The following SAMD5 variants were observed in gnomAD, a reference collection of about 807,000 sequenced individuals.
SAMD5 encodes sterile alpha motif domain containing 5.
In SAMD5, 13 loss-of-function variants were observed where a neutral mutation model predicts 11.3. The ratio of observed to expected loss-of-function variants is 1.15; its 90% confidence interval spans 0.75 to 1.83. SAMD5 has a LOEUF of 1.83. Among genes scored for constraint, SAMD5 ranks in the 40% most tolerant of loss-of-function variants. SAMD5 has a pLI of 0.00. For synonymous variants in SAMD5, 129 were observed against 111.3 expected (o/e 1.16, Z -1.00); for missense variants, 255 against 239.1 (o/e 1.07, Z -0.44).
chr6:147,773,843 G>C, the SAMD5 span, among the ~76,000 whole-genome samples: 32 of 152,002 alleles, frequency 2.1e-4, no homozygotes, highest in African/African-American at 7.0e-4. Context: ...AAGCCCTCTG[G>C]GGTCTTTTTG....
intron 1 of SAMD5, among the ~76,000 whole-genome samples, chr6:147,615,008 C>A (rs1789844563): frequency 6.6e-6 from 1 of 151,800 alleles, no homozygotes; most frequent in African/African-American, 2.4e-5. Flanking sequence ...CAAACAATAT[C>A]ATATGACAAC....
the SAMD5 span, among the ~76,000 whole-genome samples, chr6:147,762,669 T>A: frequency 2.0e-5 from 3 of 152,192 alleles, no homozygotes; most frequent in Non-Finnish European, 4.4e-5. Flanking sequence ...ATACATGATA[T>A]CCCTGAGCCT....
the SAMD5 span, among the ~76,000 whole-genome samples, chr6:147,860,693 T>G: frequency 5.3e-5 from 8 of 152,272 alleles, no homozygotes; most frequent in African/African-American, 1.7e-4. Context: ...TACGAGAAGC[T>G]TGACCTAATA....
the SAMD5 span, among the ~76,000 whole-genome samples, chr6:147,913,712 C>A: frequency 6.6e-5 from 10 of 152,016 alleles, no homozygotes; most frequent in Non-Finnish European, 1.2e-4. Context: ...ACAACAACAA[C>A]AAAAAATGAA....
At chr6:147,676,433 A>G (rs536948946) in intron 1 of SAMD5, among the ~76,000 whole-genome samples, 1 of 152,180 alleles carries the variant, frequency 6.6e-6, no homozygotes, top group Non-Finnish European at 1.5e-5. Flanking sequence ...TTTCCTTCCC[A>G]ACTCTCAGCA....
At chr6:147,929,938 C>G in the SAMD5 span, among the ~76,000 whole-genome samples, 5 of 152,188 alleles carry the variant, frequency 3.3e-5, no homozygotes, top group African/African-American at 1.2e-4. Flanking sequence ...TCTGGTACAG[C>G]ATTTAAAATG....
the SAMD5 span, among the ~76,000 whole-genome samples, chr6:147,832,033 T>C: frequency 6.6e-6 from 1 of 152,124 alleles, no homozygotes; most frequent in African/African-American, 2.4e-5. Context: ...AGTAGGCTAA[T>C]ATTAAAATAT....
intron 1 of SAMD5, among the ~76,000 whole-genome samples, chr6:147,539,769 A>G (rs1788570311): frequency 6.6e-6 from 1 of 152,086 alleles, no homozygotes; most frequent in South Asian, 2.1e-4. Flanking sequence ...CTAGAAAAAC[A>G]AGTTCCAAGA....
the SAMD5 span, among the ~76,000 whole-genome samples, chr6:147,916,437 T>C: frequency 6.6e-6 from 1 of 152,184 alleles, no homozygotes; most frequent in Non-Finnish European, 1.5e-5. Flanking sequence ...TTTTTAATGA[T>C]CGCCATTCTA....
the SAMD5 span, among the ~76,000 whole-genome samples, chr6:147,952,382 T>G: frequency 6.6e-6 from 1 of 152,220 alleles, no homozygotes; most frequent in African/African-American, 2.4e-5. Context: ...ATATTAATGG[T>G]GATGGATATC....
chr6:147,632,442 G>A (rs1235697586), intron 1 of SAMD5, among the ~76,000 whole-genome samples: 1 of 152,204 alleles, frequency 6.6e-6, no homozygotes, highest in Non-Finnish European at 1.5e-5. Context: ...AGAGGTAGTG[G>A]AGAGGGGCAG....
chr6:147,637,626 C>A (rs1790249830), intron 1 of SAMD5, among the ~76,000 whole-genome samples: 1 of 152,148 alleles, frequency 6.6e-6, no homozygotes, highest in Non-Finnish European at 1.5e-5. Flanking sequence ...GGATTATACA[C>A]CTTTTCATTT....
At chr6:147,801,603 G>C in the SAMD5 span, among the ~76,000 whole-genome samples, 2 of 152,190 alleles carry the variant, frequency 1.3e-5, no homozygotes, top group African/African-American at 4.8e-5. Flanking sequence ...TGAAACAACT[G>C]TTTTCAGACA....
At position 147,509,537 on chromosome 6, in the gene SAMD5, G is replaced by A; in HGVS notation, c.459+150G>A. Reference sequence around the variant, plus strand: ...TGGGACCCTTTTCTATGTTCTTTCTGTATTAGCCCATTATTTCGTCCTTCC... The same window carrying A: ...TGGGACCCTTTTCTATGTTCTTTCTATATTAGCCCATTATTTCGTCCTTCC... On this transcript the variant is annotated intron_variant, in intron 1 of 1. Transcript: ENST00000367474. The A allele has an allele frequency of 6.6e-6, 4 of 601,918 alleles. No homozygotes were observed. In the South Asian group the frequency reaches 7.0e-5, roughly 11 times the overall value. The allele number at this position is 601,918 out of a possible 1,614,324, so 37.3% of individuals were successfully genotyped here. A position where few individuals can be genotyped will look rare whatever the true frequency, so the allele number is the denominator to read the frequency against.
At chr6:147,548,989 T>C (rs1476121085) in intron 1 of SAMD5, among the ~76,000 whole-genome samples, 2 of 152,130 alleles carry the variant, frequency 1.3e-5, no homozygotes, top group African/African-American at 4.8e-5. Flanking sequence ...TTTACAAAAC[T>C]GTGCATGGTT....
intron 1 of SAMD5, among the ~76,000 whole-genome samples, chr6:147,603,522 T>C (rs1222773612): frequency 6.6e-6 from 1 of 152,096 alleles, no homozygotes; most frequent in African/African-American, 2.4e-5. Flanking sequence ...CAATAGTAAG[T>C]TGAGTTGGAG....
intron 1 of SAMD5, among the ~76,000 whole-genome samples, chr6:147,667,353 G>A (rs1790737451): frequency 6.6e-6 from 1 of 152,060 alleles, no homozygotes; most frequent in Non-Finnish European, 1.5e-5. Flanking sequence ...GTAATTTGCA[G>A]GAATTGGTAA....
the SAMD5 span, among the ~76,000 whole-genome samples, chr6:147,806,317 C>T: frequency 1.7e-4 from 11 of 64,794 alleles, no homozygotes; most frequent in African/African-American, 5.0e-4. Flanking sequence ...CGCGCGCGCG[C>T]GCACACACAC....
At chr6:147,589,460 A>G (rs1402111968) in intron 1 of SAMD5, among the ~76,000 whole-genome samples, 1 of 152,074 alleles carries the variant, frequency 6.6e-6, no homozygotes, top group Non-Finnish European at 1.5e-5. Flanking sequence ...TGAAACATAA[A>G]GGATTAGGAG....
Sources: allele counts gnomAD v4.1 joint callset (sites outside exome capture counted in the v4.1 genomes callset), GRCh38; gene constraint gnomAD v4.1.1; transcripts MANE v1.5; gene names NCBI Gene and HGNC (gene_info 2026-07-23, HGNC 2026-07-21).